The following HMCN2 variants were observed in gnomAD, a reference collection of about 807,000 sequenced individuals.
HMCN2 encodes the protein hemicentin-2.
Under a neutral mutation model 377.5 loss-of-function variants are expected in HMCN2, and 325 were observed. The observed-to-expected ratio is 0.86, with a 90% CI of 0.79 to 0.94. The LOEUF (loss-of-function observed/expected upper bound fraction) is 0.94, where lower values mean the gene tolerates loss of function less well. HMCN2 is among the 40% of genes least tolerant of loss of function. The pLI, the probability that HMCN2 is intolerant of heterozygous loss-of-function variation, is 0.00. For missense variants in HMCN2, 4,543 were observed against 4,725.3 expected, an observed-to-expected ratio of 0.96 and a Z score of 1.13; for synonymous variants, 2,007 against 2,046.8, an observed-to-expected ratio of 0.98 and a Z score of 0.53.
chr9:130,345,342 T>G (rs1356738131), intron 25 of HMCN2, among the ~76,000 whole-genome samples: 1 of 144,032 alleles, frequency 6.9e-6, no homozygotes, highest in African/African-American at 2.6e-5. Context: ...GTGTGTATGT[T>G]TGTGGTGTGT....
chr9:130,290,878 A>C (rs569449038), intron 4 of HMCN2, among the ~76,000 whole-genome samples: 2 of 152,158 alleles, frequency 1.3e-5, no homozygotes, highest in East Asian at 1.9e-4. Flanking sequence ...AAAAAAAAAA[A>C]AACAAAAACC....
chr9:130,433,550 C>G lies in HMCN2; in HGVS notation c.15097C>G (p.Pro5033Ala), dbSNP rs1184341623. The G allele has an allele frequency of 3.4e-6, 5 of 1,469,808 alleles. No individual in the cohort carries two copies. Among genetic ancestry groups the G allele is most frequent in the Non-Finnish European group, 4.5e-6 (5 of 1,116,758 alleles). The allele number at this position is 1,469,808 out of a possible 1,614,324, so 91.0% of individuals were successfully genotyped here. The change falls in exon 98 of 98, where the codon CCG (proline) becomes GCG (alanine). Residue 5033 changes from proline (P) to alanine (A), a missense_variant. Around this residue, in one of 5 missense-constraint regions of HMCN2, gnomAD observed 1,155 missense variants for 1,157.7 expected, o/e 1.00. Coordinates refer to ENST00000683500, the MANE Select transcript of HMCN2 (RefSeq NM_001291815.2). Reference protein sequence around the residue: ...PDPRSPFALRPLRAGLGAVYT... With the variant: ...PDPRSPFALRALRAGLGAVYT... ...CCCCCGCAGCCCCTTCGCGCTGCGTCCGCTGCGCGCGGGCCTTGGCGCGGT... is the reference window on the plus strand; with the variant it reads ...CCCCCGCAGCCCCTTCGCGCTGCGTGCGCTGCGCGCGGGCCTTGGCGCGGT...
At chr9:130,411,213 TA>T (rs111952133) in intron 85 of HMCN2, among the ~76,000 whole-genome samples, 14 of 142,252 alleles carry the variant, frequency 9.8e-5, no homozygotes, top group Non-Finnish European at 1.7e-4. Context: ...TCTGCCTCTT[TA>T]AAAAAAAAAA....
At chr9:130,424,313 G>T (rs564050935) in intron 87 of HMCN2, among the ~76,000 whole-genome samples, 16 of 151,224 alleles carry the variant, frequency 1.1e-4, no homozygotes, top group Admixed American at 5.9e-4. Context: ...CAAGTAGCTG[G>T]GACTACAGAC....
chr9:130,396,792 T>A (rs1242998731), intron 73 of HMCN2, among the ~76,000 whole-genome samples: 1 of 152,164 alleles, frequency 6.6e-6, no homozygotes, highest in Non-Finnish European at 1.5e-5. Flanking sequence ...CAATCAACTG[T>A]GGCCAGGGGC....
rs1840923379 is a variant in HMCN2 at position 130,369,918 on chromosome 9, C to G, written c.7069+67C>G. 1.1e-6 allele frequency: 1 copy of G among 918,412 alleles called. No homozygotes were observed. Among genetic ancestry groups the G allele is most frequent in the Non-Finnish European group, 1.3e-6 (1 of 768,824 alleles). 56.9% of individuals were successfully genotyped at this position (918,412 alleles called of 1,614,324 possible). A position where few individuals can be genotyped will look rare whatever the true frequency, so the allele number is the denominator to read the frequency against. ...TTAGAGTGGGCAAGGTGGGTTCAAT[C>G]TCCAGGCACGGCCCTCAGGCTGTGA... On this transcript the variant is annotated intron_variant, in intron 45 of 97. Transcript: ENST00000683500. The surrounding 1 kb of genome is among the most constrained non-coding windows in gnomAD (Gnocchi z 4.5).
chr9:130,382,332 G>T, intron 55 of HMCN2, 35 bp downstream of exon 55: 1 of 941,008 alleles, frequency 1.1e-6, no homozygotes, highest in South Asian at 4.9e-5. Context: ...GGATTCCCGG[G>T]ACTGCAAGCG....
intron 3 of HMCN2, among the ~76,000 whole-genome samples, chr9:130,285,549 G>A (rs571902099): frequency 6.6e-6 from 1 of 152,330 alleles, no homozygotes; most frequent in Non-Finnish European, 1.5e-5. Flanking sequence ...CACTTCCCTG[G>A]CGCAGCTTGT....
chr9:130,284,637 A>G lies in HMCN2; in HGVS notation c.294A>G (p.Thr98=), dbSNP rs1403970313. ...IGPVTLTADP[T]VFQRELRELY... Reference sequence around the variant, plus strand: ...CAGTGACCCTCACGGCGGACCCCACAGTGTTTCAGAGGGAGCTGAGAGAAC... The same window carrying G: ...CAGTGACCCTCACGGCGGACCCCACGGTGTTTCAGAGGGAGCTGAGAGAAC... The change falls in exon 2 of 98, where the codon ACA becomes ACG. Residue 98 remains threonine, a synonymous_variant. Transcript: ENST00000683500. 4.2e-6 allele frequency: 2 copies of G among 470,972 alleles called. No individual in the cohort carries two copies. Among genetic ancestry groups the G allele is most frequent in the African/African-American group, 2.0e-5 (1 of 50,046 alleles). 29.2% of individuals were successfully genotyped at this position (470,972 alleles called of 1,614,324 possible).
At chr9:130,352,320 C>A (rs944630799) in intron 30 of HMCN2, among the ~76,000 whole-genome samples, 1 of 152,230 alleles carries the variant, frequency 6.6e-6, no homozygotes, top group South Asian at 2.1e-4. Context: ...TGTAAATTCT[C>A]GAGGCGTGGA....
chr9:130,413,368 G>A (rs192998250), intron 85 of HMCN2, among the ~76,000 whole-genome samples: 6 of 152,320 alleles, frequency 3.9e-5, no homozygotes, highest in East Asian at 3.9e-4. Flanking sequence ...ACCATGGGGC[G>A]TGATGTTAGC....
intron 82 of HMCN2, 114 bp from the exon 83 acceptor site, chr9:130,407,457 C>T: frequency 1.1e-6 from 1 of 942,118 alleles, no homozygotes; most frequent in Non-Finnish European, 1.4e-6. Flanking sequence ...TCAACCTTCA[C>T]CCGGGACTCC....
At position 130,296,535 on chromosome 9, in the gene HMCN2, G is replaced by A. The variant is rs531215447; in HGVS notation, c.892-139G>A. Reference sequence around the variant, plus strand: ...CATCGTGCTGGGCCCCTTGGGAGGAGGTAAGTTGCCCATGTGTCTACAAAA... The same window carrying A: ...CATCGTGCTGGGCCCCTTGGGAGGAAGTAAGTTGCCCATGTGTCTACAAAA... On this transcript the variant is annotated intron_variant, in intron 6 of 97. Coordinates refer to ENST00000683500, the MANE Select transcript of HMCN2 (RefSeq NM_001291815.2). 122 of 377,584 alleles carry A rather than the reference G, an allele frequency of 3.2e-4. 1 individual carries two copies. The highest frequency in any genetic ancestry group is 2.4e-3 in the African/African-American group (116 of 47,950). The allele number at this position is 377,584 out of a possible 1,614,324, so 23.4% of individuals were successfully genotyped here. A position where few individuals can be genotyped will look rare whatever the true frequency, so the allele number is the denominator to read the frequency against.
chr9:130,335,242 G>T (rs899015920), intron 22 of HMCN2, among the ~76,000 whole-genome samples: 1 of 152,104 alleles, frequency 6.6e-6, no homozygotes, highest in East Asian at 1.9e-4. Flanking sequence ...GGAGGGGACC[G>T]CATCCCAGCC....
chr9:130,398,591 G>C lies in HMCN2; in HGVS notation c.11367G>C (p.Leu3789=). The C allele has an allele frequency of 7.8e-7, 1 of 1,277,060 alleles. No individual in the cohort carries two copies. Among genetic ancestry groups the C allele is most frequent in the Non-Finnish European group, 1.0e-6 (1 of 979,880 alleles). 79.1% of individuals were successfully genotyped at this position (1,277,060 alleles called of 1,614,324 possible). The change falls in exon 75 of 98, where the codon CTG becomes CTC. Residue 3789 remains leucine, a synonymous_variant. Transcript: ENST00000683500. ...CCCCCAGCCCCTCCAACCTGACCCTGACCGCCCACACCCCAGCCTTGCTGC... is the reference window on the plus strand; with the variant it reads ...CCCCCAGCCCCTCCAACCTGACCCTCACCGCCCACACCCCAGCCTTGCTGC... ...AIAPSPSNLT[L]TAHTPALLPC... is the part of the protein sequence containing the mutation.
At chr9:130,406,438 C>CTA in intron 82 of HMCN2, 1 of 338,978 alleles carries the variant, frequency 3.0e-6, no homozygotes, top group Non-Finnish European at 5.9e-6. Flanking sequence ...GGCCTGTGTT[C>CTA]TAGTCCAGAG....
At chr9:130,398,347 G>A (rs1018508818) in intron 74 of HMCN2, among the ~76,000 whole-genome samples, 2 of 152,076 alleles carry the variant, frequency 1.3e-5, no homozygotes, top group African/African-American at 4.8e-5. Flanking sequence ...GGCACTGAGG[G>A]GGTGCCAGGC....
At chr9:130,432,715 CG>C in intron 97 of HMCN2, 160 bp downstream of exon 97, 1 of 728,096 alleles carries the variant, frequency 1.4e-6, no homozygotes, top group Non-Finnish European at 2.2e-6. Context: ...TGGGAGAGAA[CG>C]GGGACACAGG....
chr9:130,313,014 C>T (rs1278142352), intron 15 of HMCN2, among the ~76,000 whole-genome samples: 8 of 152,254 alleles, frequency 5.3e-5, no homozygotes, highest in Admixed American at 4.6e-4. Flanking sequence ...CCTGTTCCTT[C>T]GCCTGTCTGC....
Sources: gnomAD v4.1 joint callset for allele counts (sites outside exome capture counted in the v4.1 genomes callset) on GRCh38, gnomAD v4.1.1 for gene constraint, gnomAD v4.1.1 regional missense constraint, Gnocchi (gnomAD v3.1) non-coding constraint, MANE v1.5 for transcripts, NCBI Gene and HGNC (gene_info 2026-07-23, HGNC 2026-07-21) for gene names.